GOLPH3: variants seen among roughly 807,000 people sequenced by gnomAD.
GOLPH3 encodes coat protein GPP34.
A neutral mutation model predicts 28.5 loss-of-function variants in GOLPH3; 14 were observed. The observed-to-expected ratio is 0.49, with a 90% CI of 0.32 to 0.77. The LOEUF is 0.77. GOLPH3 is among the 30% of genes least tolerant of loss of function. GOLPH3 has a pLI of 0.03. For synonymous variants in GOLPH3, 158 were observed against 159.2 expected (o/e 0.99, Z 0.06); for missense variants, 350 against 393.7 (o/e 0.89, Z 0.94).
Position 32,173,875 on chromosome 5 carries a change from C to T in GOLPH3, c.160G>A (p.Asp54Asn). Reference sequence around the variant, plus strand: ...AGGGTCAGCCGCGTTTCCTTGGAGTCGCCCTTGTCGTCGTCGTCCTGCTCG... The same window carrying T: ...AGGGTCAGCCGCGTTTCCTTGGAGTTGCCCTTGTCGTCGTCGTCCTGCTCG... Reference protein sequence around the residue: ...RDEQDDDDKGDSKETRLTLME... With the variant: ...RDEQDDDDKGNSKETRLTLME... The change falls in exon 1 of 4, where the codon GAC (aspartate) becomes AAC (asparagine). Residue 54 changes from aspartate to asparagine, a missense_variant. Physicochemically the swap from Asp to Asn is conservative, Grantham distance 23. Coordinates refer to ENST00000265070, the MANE Select transcript of GOLPH3 (RefSeq NM_022130.4). 1 of 1,527,332 alleles carries T rather than the reference C, an allele frequency of 6.5e-7. No individual in the cohort carries two copies. The highest frequency in any genetic ancestry group is 8.8e-7 in the Non-Finnish European group (1 of 1,140,456). 94.6% of individuals were successfully genotyped at this position (1,527,332 alleles called of 1,614,324 possible).
chr5:32,151,398 T>C (rs534161527), intron 1 of GOLPH3, among the ~76,000 whole-genome samples: 1 of 152,240 alleles, frequency 6.6e-6, no homozygotes, highest in South Asian at 2.1e-4. Flanking sequence ...CGATAGCACA[T>C]GCCTGTAGAC....
rs563963637 is a variant in GOLPH3, at chr5:32,162,687, C to G, written c.225+11123G>C. Among the ~76,000 whole-genome samples, 78 of 152,288 alleles carry G rather than the reference C, an allele frequency of 5.1e-4. No individual in the cohort carries two copies. In the South Asian group the frequency reaches 0.016, roughly 30 times the overall value. ...CTTACTTCTCTAGGCTAGGTAATTA[C>G]CCATTTGCATTTGTTCAGCACCATG... is the stretch of plus-strand genomic sequence containing the variant. On this transcript the variant is annotated intron_variant, in intron 1 of 3. Transcript: ENST00000265070.
chr5:32,169,957 A>C (rs1168702216), intron 1 of GOLPH3, among the ~76,000 whole-genome samples: 1 of 151,842 alleles, frequency 6.6e-6, no homozygotes, highest in Non-Finnish European at 1.5e-5. Context: ...GAAATGTGTA[A>C]AGAAAAAAAA....
chr5:32,152,237 C>CT (rs937209268), intron 1 of GOLPH3, among the ~76,000 whole-genome samples: 2 of 151,758 alleles, frequency 1.3e-5, no homozygotes, highest in Non-Finnish European at 2.9e-5. Context: ...AGTAATTCTC[C>CT]TGCCTCAGCC....
At chr5:32,138,161 C>G (rs1745976950) in intron 2 of GOLPH3, among the ~76,000 whole-genome samples, 1 of 152,152 alleles carries the variant, frequency 6.6e-6, no homozygotes, top group Admixed American at 6.5e-5. Flanking sequence ...CTCGGCCTCC[C>G]AAAGTGCTGG....
intron 1 of GOLPH3, among the ~76,000 whole-genome samples, chr5:32,154,373 G>A (rs1746372007): frequency 1.3e-5 from 2 of 152,326 alleles, no homozygotes; most frequent in African/African-American, 2.4e-5. Flanking sequence ...GATTAAACAA[G>A]TTCTAGTGGC....
At chr5:32,149,883 G>A (rs1746267655) in intron 1 of GOLPH3, among the ~76,000 whole-genome samples, 1 of 152,036 alleles carries the variant, frequency 6.6e-6, no homozygotes, top group Non-Finnish European at 1.5e-5. Context: ...TGTAATAGCA[G>A]CTACTCGGGA....
rs75655631 is a variant in GOLPH3 at position 32,147,801 on chromosome 5, T to C, written c.226-3921A>G. On this transcript the variant is annotated intron_variant, in intron 1 of 3. Coordinates refer to ENST00000265070, the MANE Select transcript of GOLPH3 (RefSeq NM_022130.4). ...ATGAAAATAACTATGAACCACAAAGTAAAACATATTTGTGAAGTAGTAAAG... is the reference window on the plus strand; with the variant it reads ...ATGAAAATAACTATGAACCACAAAGCAAAACATATTTGTGAAGTAGTAAAG... Among the ~76,000 whole-genome samples the C allele has an allele frequency of 3.0e-3, 455 of 152,160 alleles. 2 individuals are homozygous for C. The highest frequency in any genetic ancestry group is 0.011 in the African/African-American group (445 of 41,514).
At chr5:32,135,203 G>C (rs1745907682) in intron 3 of GOLPH3, among the ~76,000 whole-genome samples, 1 of 152,312 alleles carries the variant, frequency 6.6e-6, no homozygotes, top group Middle Eastern at 3.4e-3. Flanking sequence ...GTGAGGATGA[G>C]GTAGCCTGTG....
chr5:32,164,559 A>G (rs1223508807), intron 1 of GOLPH3, among the ~76,000 whole-genome samples: 1 of 151,672 alleles, frequency 6.6e-6, no homozygotes, highest in Admixed American at 6.6e-5. Flanking sequence ...ACGCCAAGCT[A>G]ATTTCTTTGT....
chr5:32,142,006 A>G (rs958021141), intron 2 of GOLPH3, among the ~76,000 whole-genome samples: 12 of 152,196 alleles, frequency 7.9e-5, no homozygotes, highest in Admixed American at 3.9e-4. Flanking sequence ...CCGAGACTGC[A>G]GCCTCTGCCC....
intron 1 of GOLPH3, among the ~76,000 whole-genome samples, chr5:32,169,121 A>T (rs9686583): frequency 0.039 from 5,908 of 151,528 alleles, 380 homozygotes; most frequent in African/African-American, 0.13. Flanking sequence ...TAAAAAAAAA[A>T]TTTTTTTTTA....
At chr5:32,160,999 G>A (rs1036758576) in intron 1 of GOLPH3, among the ~76,000 whole-genome samples, 7 of 149,868 alleles carry the variant, frequency 4.7e-5, no homozygotes, top group African/African-American at 7.5e-5. Context: ...CCTGGGAGGC[G>A]GAGCCTGCAG....
intron 1 of GOLPH3, among the ~76,000 whole-genome samples, chr5:32,147,703 C>A (rs1746209320): frequency 6.6e-6 from 1 of 152,038 alleles, no homozygotes; most frequent in Admixed American, 6.6e-5. Flanking sequence ...GTTGTTCAAG[C>A]TTAAAAGGCA....
chr5:32,139,042 A>G (rs1746000362), intron 2 of GOLPH3, among the ~76,000 whole-genome samples: 1 of 152,190 alleles, frequency 6.6e-6, no homozygotes, highest in Admixed American at 6.5e-5. Flanking sequence ...ATCTTATGTC[A>G]GGGACACCAG....
At chr5:32,151,234 T>TA (rs58624801) in intron 1 of GOLPH3, among the ~76,000 whole-genome samples, 1 of 150,890 alleles carries the variant, frequency 6.6e-6, no homozygotes, top group East Asian at 2.0e-4. Context: ...TTTTTTTTTT[T>TA]AATATTTTGA....
intron 1 of GOLPH3, among the ~76,000 whole-genome samples, chr5:32,166,265 G>A (rs1017279262): frequency 2.0e-5 from 3 of 152,150 alleles, no homozygotes; most frequent in South Asian, 4.1e-4. Flanking sequence ...GCAATACACT[G>A]TACTTTAATA....
Position 32,143,831 on chromosome 5 carries a change from C to G in GOLPH3, c.275G>C (p.Cys92Ser), listed in dbSNP as rs1746136429. ...NDCISSGLRG[C>S]MLIELALRGR... ...TCTCAATGCTAATTCAATTAACATACAGCCACGTAATCCAGATGATATACA... is the reference window on the plus strand; with the variant it reads ...TCTCAATGCTAATTCAATTAACATAGAGCCACGTAATCCAGATGATATACA... Residue 92 changes from cysteine (C) to serine (S), a missense_variant, in exon 2 of 4, where the codon TGT becomes TCT. Cys to Ser is a moderately radical substitution (Grantham distance 112). Transcript: ENST00000265070. 1.9e-6 allele frequency: 3 copies of G among 1,596,976 alleles called. No homozygotes were observed. The African/African-American group carries it at 4.0e-5, about 21-fold the overall frequency.
intron 3 of GOLPH3, among the ~76,000 whole-genome samples, chr5:32,129,588 G>A (rs1030070859): frequency 1.3e-5 from 2 of 152,124 alleles, no homozygotes; most frequent in African/African-American, 4.8e-5. Flanking sequence ...TGGGAATAGG[G>A]CCATAAGAAC....
Sources: gnomAD v4.1 joint callset for allele counts (sites outside exome capture counted in the v4.1 genomes callset) on GRCh38, gnomAD v4.1.1 for gene constraint, MANE v1.5 for transcripts, NCBI Gene and HGNC (gene_info 2026-07-23, HGNC 2026-07-21) for gene names.